The following UNC13C variants were observed in gnomAD, a reference collection of about 807,000 sequenced individuals.
The protein encoded by UNC13C is unc-13 homolog C, also known as protein unc-13 homolog C.
Under a neutral mutation model 245.4 loss-of-function variants are expected in UNC13C, and 174 were observed. The ratio of observed to expected loss-of-function variants is 0.71; its 90% confidence interval spans 0.63 to 0.80. The LOEUF (loss-of-function observed/expected upper bound fraction) is 0.80, where lower values mean the gene tolerates loss of function less well. UNC13C is among the 30% of genes least tolerant of loss of function. The pLI, the probability that UNC13C is intolerant of heterozygous loss-of-function variation, is 0.00. For missense variants in UNC13C, 2,829 were observed against 2,602.9 expected (o/e 1.09, Z -1.89); for synonymous variants, 992 against 895.1 (o/e 1.11, Z -1.93).
intron 28 of UNC13C, among the ~76,000 whole-genome samples, chr15:54,551,983 A>G (rs1056302023): frequency 2.6e-5 from 4 of 151,446 alleles, no homozygotes; most frequent in African/African-American, 9.7e-5. Flanking sequence ...ATTTGAAAGC[A>G]GATATGATGT....
At chr15:54,252,802 T>C in intron 8 of UNC13C, among the ~76,000 whole-genome samples, 1 of 152,192 alleles carries the variant, frequency 6.6e-6, no homozygotes. Context: ...TTCTATGATT[T>C]TCTTTATAAA....
At position 54,527,810 on chromosome 15, in the gene UNC13C, G is replaced by A. The variant is rs114166806; in HGVS notation, c.5546+2173G>A. The stretch of plus-strand genomic sequence containing the variant: ...TTATTAGGACTATTGGAATAAATGG[G>A]CTACATGTCATGCTTTCCTAATAAA... On this transcript the variant is annotated intron_variant, in intron 25 of 32. Transcript: ENST00000260323. Among the ~76,000 whole-genome samples the A allele has an allele frequency of 8.5e-3, 1,298 of 152,158 alleles. 13 individuals carry two copies. The highest frequency in any genetic ancestry group is 0.03 in the African/African-American group (1,256 of 41,494).
chr15:53,875,714 T>C, the UNC13C span, among the ~76,000 whole-genome samples: 1 of 152,342 alleles, frequency 6.6e-6, no homozygotes, highest in South Asian at 2.1e-4. Flanking sequence ...CATGTAGTTA[T>C]AATATAATTC....
intron 4 of UNC13C, among the ~76,000 whole-genome samples, chr15:54,228,652 A>C (rs545214180): frequency 6.6e-6 from 1 of 152,274 alleles, no homozygotes; most frequent in Admixed American, 6.5e-5. Flanking sequence ...ACTGTTGTCT[A>C]AGAGCCATGG....
the UNC13C span, among the ~76,000 whole-genome samples, chr15:53,940,200 G>A: frequency 2.6e-4 from 39 of 152,222 alleles, no homozygotes; most frequent in Admixed American, 2.4e-3. Flanking sequence ...TGGGCAGCAC[G>A]GAGAGGTTTG....
intron 7 of UNC13C, among the ~76,000 whole-genome samples, chr15:54,245,725 C>T (rs1044095018): frequency 6.6e-6 from 1 of 152,144 alleles, no homozygotes; most frequent in African/African-American, 2.4e-5. Context: ...AAAAATAACA[C>T]TTATACTTCA....
intron 2 of UNC13C, among the ~76,000 whole-genome samples, chr15:54,029,483 A>G (rs1896264733): frequency 6.6e-6 from 1 of 152,244 alleles, no homozygotes. Context: ...TCATATTATC[A>G]TTCAATTGTT....
At chr15:54,567,670 T>G (rs1897572771) in intron 29 of UNC13C, 130 bp from the exon 30 acceptor site, 3 of 846,392 alleles carry the variant, frequency 3.5e-6, no homozygotes, top group Non-Finnish European at 5.1e-6. Flanking sequence ...GGGAAAATGA[T>G]GGAACCATTT....
rs1208143516 is a variant in UNC13C at position 54,126,063 on chromosome 15, A to G, written c.2984-16955A>G. Among the ~76,000 whole-genome samples the G allele has an allele frequency of 2.6e-5, 4 of 152,328 alleles. No homozygotes were observed. In the East Asian group the frequency reaches 7.7e-4, roughly 29 times the overall value. ...ATCCAAAGCAATGCAAGAAAAAAGA[A>G]AATACAGAAATGAAAATCAGGGAGA... is the stretch of plus-strand genomic sequence containing the variant. On this transcript the variant is annotated intron_variant, in intron 2 of 32. Coordinates refer to ENST00000260323, the MANE Select transcript of UNC13C (RefSeq NM_001080534.3).
At chr15:54,359,564 T>C (rs936610025) in intron 17 of UNC13C, among the ~76,000 whole-genome samples, 1 of 152,000 alleles carries the variant, frequency 6.6e-6, no homozygotes, top group Non-Finnish European at 1.5e-5. Flanking sequence ...TGATTCAGTC[T>C]TGGTAGGCTG....
At chr15:54,535,199 A>G (rs1289717311) in intron 26 of UNC13C, among the ~76,000 whole-genome samples, 1 of 152,156 alleles carries the variant, frequency 6.6e-6, no homozygotes, top group East Asian at 1.9e-4. Flanking sequence ...AATGGAAAAC[A>G]AAAAAGAGCA....
At chr15:54,568,826 GATACATTA>G (rs1262960142) in intron 30 of UNC13C, among the ~76,000 whole-genome samples, 4 of 152,048 alleles carry the variant, frequency 2.6e-5, no homozygotes, top group African/African-American at 9.7e-5. Flanking sequence ...TTTCCTCTTG[GATACATTA>G]ATTTTTCTAC....
chr15:53,932,898 A>G, the UNC13C span, among the ~76,000 whole-genome samples: 1 of 152,192 alleles, frequency 6.6e-6, no homozygotes, highest in Non-Finnish European at 1.5e-5. Flanking sequence ...TTTATAATTA[A>G]ACATGCCAAA....
At chr15:53,883,044 CT>C in the UNC13C span, among the ~76,000 whole-genome samples, 1 of 151,924 alleles carries the variant, frequency 6.6e-6, no homozygotes. Context: ...ACATGTACCC[CT>C]GAACTTAAAA....
chr15:53,995,297 TA>T (rs924559972), intron 1 of UNC13C, among the ~76,000 whole-genome samples: 1 of 152,020 alleles, frequency 6.6e-6, no homozygotes, highest in African/African-American at 2.4e-5. Flanking sequence ...GGCTTCTTTG[TA>T]AAGAAGGAAA....
Position 54,012,907 on chromosome 15 carries a change from G to C in UNC13C, c.4G>C (p.Val2Leu), listed in dbSNP as rs770538676. 1 of 1,593,308 alleles carries C rather than the reference G, an allele frequency of 6.3e-7. No homozygotes were observed. The highest frequency in any genetic ancestry group is 1.1e-5 in the South Asian group (1 of 87,778). Residue 2 changes from valine (V) to leucine (L), a missense_variant, in exon 2 of 33, where the codon GTG (valine) becomes CTG (leucine). Val to Leu is a conservative substitution (Grantham distance 32). Coordinates refer to ENST00000260323, the MANE Select transcript of UNC13C (RefSeq NM_001080534.3). M[V>L]ANFFKSLILP... is the part of the protein sequence containing the mutation. ...AAGCTTGCACTAATTGCTCTCCATG[G>C]TGGCTAATTTTTTCAAGAGCTTGAT...
Position 54,265,444 on chromosome 15 carries a change from A to G in UNC13C, c.3766A>G (p.Thr1256Ala). 6.4e-7 allele frequency: 1 copy of G among 1,571,846 alleles called. No homozygotes were observed. The highest frequency in any genetic ancestry group is 8.7e-7 in the Non-Finnish European group (1 of 1,156,018). Residue 1256 changes from threonine to alanine, a missense_variant, in exon 10 of 33, where the codon ACA (threonine) becomes GCA (alanine). Physicochemically the swap from Thr to Ala is moderately conservative, Grantham distance 58. Coordinates refer to ENST00000260323, the MANE Select transcript of UNC13C (RefSeq NM_001080534.3). ...TCAAGTTGGAAAGAACAAAAGAAGA[A>G]CAAAAACCATTTTTGGAAATTTGAA... ...TVQVGKNKRRTKTIFGNLNPV... is the reference protein window; with the variant it reads ...TVQVGKNKRRAKTIFGNLNPV...
At position 54,627,162 on chromosome 15, in the gene UNC13C, A is replaced by G; in HGVS notation, c.*49A>G. The G allele has an allele frequency of 6.6e-7, 1 of 1,519,112 alleles. No homozygotes were observed. Among genetic ancestry groups the G allele is most frequent in the Non-Finnish European group, 8.9e-7 (1 of 1,125,564 alleles). The allele number at this position is 1,519,112 out of a possible 1,614,324, so 94.1% of individuals were successfully genotyped here. The stretch of plus-strand genomic sequence containing the variant: ...ATAACTATAATTGTTTGACTACTGC[A>G]TGCATGTGCAAATACATGGGAATGT... On this transcript the variant is annotated 3_prime_UTR_variant, in exon 33 of 33. Coordinates refer to ENST00000260323, the MANE Select transcript of UNC13C (RefSeq NM_001080534.3).
intron 19 of UNC13C, among the ~76,000 whole-genome samples, chr15:54,467,766 C>T (rs1234386155): frequency 6.6e-6 from 1 of 151,660 alleles, no homozygotes; most frequent in Non-Finnish European, 1.5e-5. Flanking sequence ...TATAGGTTCA[C>T]TCATGTTGTC....
Sources: allele counts gnomAD v4.1 joint callset (sites outside exome capture counted in the v4.1 genomes callset), GRCh38; gene constraint gnomAD v4.1.1; transcripts MANE v1.5; gene names NCBI Gene and HGNC (gene_info 2026-07-23, HGNC 2026-07-21).